The following INTS1 variants were observed in gnomAD, a reference collection of about 807,000 sequenced individuals.
INTS1 encodes integrator complex subunit 1.
In INTS1, 137 loss-of-function variants were observed where a neutral mutation model predicts 241.6. The ratio of observed to expected loss-of-function variants is 0.57; its 90% confidence interval spans 0.49 to 0.65. The LOEUF is 0.65. Among genes scored for constraint, INTS1 ranks in the 30% least tolerant of loss-of-function variants. INTS1 has a pLI of 0.00. For missense variants in INTS1, 3,073 were observed against 3,032.2 expected (o/e 1.01, Z -0.32); for synonymous variants, 1,692 against 1,337.8 (o/e 1.26, Z -5.78).
intron 25 of INTS1, 40 bp downstream of exon 25, chr7:1,483,963 C>T (rs1782121508): frequency 1.9e-6 from 3 of 1,593,488 alleles, no homozygotes; most frequent in East Asian, 2.3e-5. Context: ...AGCCGTAGAC[C>T]TCCTCGCCCT....
Position 1,470,687 on chromosome 7 carries a change from C to T in INTS1, c.6463G>A (p.Ala2155Thr), listed in dbSNP as rs1185744208. Reference protein sequence around the residue: ...PEYALLCQEHAAVLLHRAFLV... With the variant: ...PEYALLCQEHTAVLLHRAFLV... ...AAGGCCCGGTGGAGCAGCACAGCCGCGTGCTCTGTGGGGGAAACGGGGCCC... is the reference window on the plus strand; with the variant it reads ...AAGGCCCGGTGGAGCAGCACAGCCGTGTGCTCTGTGGGGGAAACGGGGCCC... The change falls in exon 48 of 48, where the codon GCG (alanine) becomes ACG (threonine). Residue 2155 changes from alanine (A) to threonine (T), a missense_variant. Transcript: ENST00000404767. 1.4e-5 allele frequency: 21 copies of T among 1,552,510 alleles called. No individual in the cohort carries two copies. Among genetic ancestry groups the T allele is most frequent in the African/African-American group, 2.7e-5 (2 of 73,320 alleles).
Position 1,485,183 on chromosome 7 carries a change from T to C in INTS1, c.3176A>G (p.Asp1059Gly). 1.9e-6 allele frequency: 3 copies of C among 1,600,548 alleles called. No homozygotes were observed. The highest frequency in any genetic ancestry group is 1.7e-6 in the Non-Finnish European group (2 of 1,179,584). The change falls in exon 24 of 48, where the codon GAT becomes GGT. Residue 1059 changes from aspartate to glycine, a missense_variant. Physicochemically the swap from Asp to Gly is moderately conservative, Grantham distance 94. Coordinates refer to ENST00000404767, the MANE Select transcript of INTS1 (RefSeq NM_001080453.3). ...CAGGTAGGCGCTGATGGTCTGGGGA[T>C]CAGTCTCCATGTGGATTGCCTGGAG... Reference protein sequence around the residue: ...ALQQAIHMETDPQTISAYLIY... With the variant: ...ALQQAIHMETGPQTISAYLIY...
intron 12 of INTS1, 68 bp downstream of exon 12, chr7:1,496,088 A>G: frequency 7.9e-7 from 1 of 1,266,300 alleles, no homozygotes; most frequent in Non-Finnish European, 1.1e-6. Context: ...AGCCTCGGAG[A>G]GCCGCCAGCC....
chr7:1,481,503 G>T lies in INTS1; in HGVS notation c.3704-15C>A. 1 of 1,592,418 alleles carries T rather than the reference G, an allele frequency of 6.3e-7. No homozygotes were observed. On this transcript the variant is annotated splice_polypyrimidine_tract_variant and intron_variant, in intron 27 of 47. Transcript: ENST00000404767. The surrounding 1 kb of genome is among the most constrained non-coding windows in gnomAD (Gnocchi z 6.8). Reference sequence around the variant, plus strand: ...GTCCTGCAGGGCTGAGGGTGCACGCGCTCCGTAACGCCACCCAAAACCCGG... The same window carrying T: ...GTCCTGCAGGGCTGAGGGTGCACGCTCTCCGTAACGCCACCCAAAACCCGG...
chr7:1,484,070 AAC>A lies in INTS1; in HGVS notation c.3360_3361del (p.Leu1121ValfsTer96). The A allele has an allele frequency of 6.2e-7, 1 of 1,612,598 alleles. No individual in the cohort carries two copies. The highest frequency in any genetic ancestry group is 8.5e-7 in the Non-Finnish European group (1 of 1,179,744). ...CCTCACGTAGCGTGAGAAGATGGAC[AAC>A]AGAGCGCTCAGCACGGCGTCCGACG... On this transcript the variant is annotated frameshift_variant, in exon 25 of 48. Coordinates refer to ENST00000404767, the MANE Select transcript of INTS1 (RefSeq NM_001080453.3). LOFTEE classifies it high-confidence loss of function.
chr7:1,486,758 C>T lies in INTS1; in HGVS notation c.2843G>A (p.Arg948Gln), dbSNP rs756273762. ...GTCCTGCAGGCGGCCCAGCAGCTGCCGCTGCTTCTGTTGCCTCTGCAGGGA... is the reference window on the plus strand; with the variant it reads ...GTCCTGCAGGCGGCCCAGCAGCTGCTGCTGCTTCTGTTGCCTCTGCAGGGA... ...AKKRQRQQKQ[R>Q]QLLGRLQDLL... is the part of the protein sequence containing the mutation. The change falls in exon 22 of 48, where the codon CGG becomes CAG. Residue 948 changes from arginine (R) to glutamine (Q), a missense_variant. By Grantham distance (43) the Arg-to-Gln change is conservative (BLOSUM62 1). Coordinates refer to ENST00000404767, the MANE Select transcript of INTS1 (RefSeq NM_001080453.3). 1.4e-5 allele frequency: 23 copies of T among 1,612,190 alleles called. No individual in the cohort carries two copies. Among genetic ancestry groups the T allele is most frequent in the African/African-American group, 2.7e-5 (2 of 74,926 alleles).
chr7:1,475,463 T>C (rs1427527783), intron 39 of INTS1, among the ~76,000 whole-genome samples: 1 of 150,770 alleles, frequency 6.6e-6, no homozygotes, highest in African/African-American at 2.4e-5. Flanking sequence ...CAAGCAGAAA[T>C]GATTAGAGAA....
chr7:1,503,257 T>A, intron 2 of INTS1, 66 bp from the exon 3 acceptor site: 1 of 1,448,680 alleles, frequency 6.9e-7, no homozygotes, highest in Non-Finnish European at 9.3e-7. Context: ...AGACTGACTC[T>A]AACCTCCTGT....
At chr7:1,504,074 C>T (rs1783342487) in intron 1 of INTS1, 73 bp from the exon 2 acceptor site, 1 of 821,758 alleles carries the variant, frequency 1.2e-6, no homozygotes, top group Non-Finnish European at 1.9e-6. Flanking sequence ...TCCCTTGCCG[C>T]ACGGGGCTTG....
In INTS1 at chr7:1,472,291, G is replaced by A. The variant is rs748157062; in HGVS notation, c.6166C>T (p.Arg2056Trp). 2.2e-5 allele frequency: 34 copies of A among 1,557,036 alleles called. No homozygotes were observed. Among genetic ancestry groups the A allele is most frequent in the Admixed American group, 5.8e-5 (3 of 51,844 alleles). The change falls in exon 44 of 48, where the codon CGG becomes TGG. Residue 2056 changes from arginine to tryptophan, a missense_variant. Physicochemically the swap from Arg to Trp is moderately radical, Grantham distance 101. Coordinates refer to ENST00000404767, the MANE Select transcript of INTS1 (RefSeq NM_001080453.3). ...GACTCACCCTCCACCGTTTGGCCCC[G>A]GGAAAGCCGTTTCATGTAGGGGGCC... ...EMAPYMKRLSRGQTVEDLLEV... is the reference protein window; with the variant it reads ...EMAPYMKRLSWGQTVEDLLEV...
intron 16 of INTS1, among the ~76,000 whole-genome samples, chr7:1,489,937 A>G (rs562083326): frequency 1.4e-3 from 208 of 152,328 alleles, no homozygotes; most frequent in Admixed American, 2.6e-3. Flanking sequence ...TGGTGGATAC[A>G]TAATAAACGT....
chr7:1,500,077 G>A (rs907825477), intron 4 of INTS1, 56 bp from the exon 5 acceptor site: 12 of 1,599,518 alleles, frequency 7.5e-6, no homozygotes, highest in Middle Eastern at 1.7e-4. Flanking sequence ...AGGCAAAGCT[G>A]GGGTGGGCCG....
At position 1,470,299 on chromosome 7, in the gene INTS1, A is replaced by C. The variant is rs1584250907; in HGVS notation, c.*278T>G. 7.1e-6 allele frequency: 3 copies of C among 423,464 alleles called. No individual in the cohort carries two copies. In the East Asian group the frequency reaches 1.2e-4, roughly 17 times the overall value. The allele number at this position is 423,464 out of a possible 1,614,324, so 26.2% of individuals were successfully genotyped here. A position where few individuals can be genotyped will look rare whatever the true frequency, so the allele number is the denominator to read the frequency against. ...ACAGACAGTTCAGGTCGTTTCATTC[A>C]AAACCAGCCCAGGCCATGCCCGGGG... On this transcript the variant is annotated 3_prime_UTR_variant, in exon 48 of 48. Coordinates refer to ENST00000404767, the MANE Select transcript of INTS1 (RefSeq NM_001080453.3).
In INTS1 at chr7:1,478,618, A is replaced by AC. The variant is rs201374449; in HGVS notation, c.4489+107dup. 2.7e-3 allele frequency: 3,982 copies of AC among 1,485,350 alleles called. 64 individuals are homozygous for AC. The African/African-American group carries it at 0.041, about 15-fold the overall frequency. The allele number at this position is 1,485,350 out of a possible 1,614,324, so 92.0% of individuals were successfully genotyped here. On this transcript the variant is annotated intron_variant, in intron 32 of 47. Transcript: ENST00000404767. ...CTCCCCTGGGCCCACGCGGGTACCCACCCCCCAAGCCACTGCCCAGGCCTC... is the reference window on the plus strand; with the variant it reads ...CTCCCCTGGGCCCACGCGGGTACCCACCCCCCCAAGCCACTGCCCAGGCCTC...
intron 16 of INTS1, among the ~76,000 whole-genome samples, chr7:1,491,084 T>C (rs553887677): frequency 6.6e-6 from 1 of 152,246 alleles, no homozygotes; most frequent in South Asian, 2.1e-4. Context: ...ACCAAGTGGA[T>C]GACAGACTCC....
rs1360855489 is a variant in INTS1 at position 1,486,969 on chromosome 7, C to T, written c.2779G>A (p.Glu927Lys). The T allele has an allele frequency of 6.2e-7, 1 of 1,608,132 alleles. No homozygotes were observed. Among genetic ancestry groups the T allele is most frequent in the Non-Finnish European group, 8.5e-7 (1 of 1,179,310 alleles). ...TCCTTGCTCTCGCCCTCGTCGTCCT[C>T]CTCCCCGGAAGCAGCATCGTCCACA... The part of the protein sequence containing the change: ...DAVDDAASGE[E>K]DDEGESKEQK... Residue 927 changes from glutamate (E) to lysine (K), a missense_variant, in exon 21 of 48, where the codon GAG becomes AAG. Coordinates refer to ENST00000404767, the MANE Select transcript of INTS1 (RefSeq NM_001080453.3).
intron 18 of INTS1, among the ~76,000 whole-genome samples, chr7:1,488,818 G>A (rs1782405629): frequency 6.6e-6 from 1 of 152,212 alleles, no homozygotes; most frequent in African/African-American, 2.4e-5. Flanking sequence ...AGGCACAGCT[G>A]GTGGTGAGCC....
chr7:1,497,381 G>T lies in INTS1; in HGVS notation c.1426-67C>A. 6.6e-7 allele frequency: 1 copy of T among 1,517,178 alleles called. No homozygotes were observed. The highest frequency in any genetic ancestry group is 8.9e-7 in the Non-Finnish European group (1 of 1,125,544). 94.0% of individuals were successfully genotyped at this position (1,517,178 alleles called of 1,614,324 possible). On this transcript the variant is annotated intron_variant, in intron 10 of 47. Transcript: ENST00000404767. The surrounding 1 kb of genome is among the most constrained non-coding windows in gnomAD (Gnocchi z 5.3). The stretch of plus-strand genomic sequence containing the variant: ...CTGTCCCTGTCACAGGCCCCTTCCC[G>T]CAGCACCAACAGGTATGGCGCCCGA...
intron 35 of INTS1, 88 bp from the exon 36 acceptor site, chr7:1,477,006 A>G (rs957799988): frequency 3.4e-6 from 5 of 1,480,964 alleles, no homozygotes; most frequent in Admixed American, 2.0e-5. Context: ...CCAATGAGCC[A>G]CTCAGAGAGC....
Sources: gnomAD v4.1 joint callset for allele counts (sites outside exome capture counted in the v4.1 genomes callset) on GRCh38, gnomAD v4.1.1 for gene constraint, Gnocchi (gnomAD v3.1) non-coding constraint, MANE v1.5 for transcripts, NCBI Gene and HGNC (gene_info 2026-07-23, HGNC 2026-07-21) for gene names.